Variants in SEZ6 observed in about 807,000 individuals in gnomAD.
The protein encoded by SEZ6 is seizure related 6 homolog, also known as seizure protein 6 homolog.
In SEZ6, 53 loss-of-function variants were observed where a neutral mutation model predicts 101.0. The ratio of observed to expected loss-of-function variants is 0.52; its 90% CI spans 0.42 to 0.66. The LOEUF is 0.66. SEZ6 is among the 30% of genes least tolerant of loss of function. The probability of loss-of-function intolerance (pLI) is 0.00; values close to 1 mark genes in which losing one functional copy is unlikely to be tolerated. For synonymous variants in SEZ6, 488 were observed against 512.2 expected (o/e 0.95, Z 0.64); for missense variants, 1,102 against 1,289.4 (o/e 0.85, Z 2.23).
chr17:28,978,283 A>G (rs1036864188), intron 3 of SEZ6, among the ~76,000 whole-genome samples: 4 of 152,264 alleles, frequency 2.6e-5, no homozygotes, highest in Non-Finnish European at 4.4e-5. Flanking sequence ...GTCAAATGTC[A>G]TCACATCCCT....
At chr17:28,980,486 C>T (rs572275805) in intron 2 of SEZ6, among the ~76,000 whole-genome samples, 5 of 151,900 alleles carry the variant, frequency 3.3e-5, no homozygotes, top group Non-Finnish European at 5.9e-5. Flanking sequence ...TCTCCTGCCT[C>T]AGCCTCCTGA....
Position 28,981,562 on chromosome 17 carries a change from C to T in SEZ6, c.533G>A (p.Ser178Asn), listed in dbSNP as rs1226747177. 2 of 1,612,188 alleles carry T rather than the reference C, an allele frequency of 1.2e-6. No homozygotes were observed. The highest frequency in any genetic ancestry group is 2.7e-5 in the African/African-American group (2 of 74,908). The change falls in exon 2 of 17, where the codon AGC becomes AAC. Residue 178 changes from serine (S) to asparagine (N), a missense_variant. This residue lies in a region of SEZ6 where 406 missense variants were observed against 418.6 expected (regional missense o/e 0.97). Transcript: ENST00000317338. ...CTCTTGGGTTGGTGTCCAGGCTCTGCTGGGGGGTGTAGTGCTGGCTATCTC... is the reference window on the plus strand; with the variant it reads ...CTCTTGGGTTGGTGTCCAGGCTCTGTTGGGGGGTGTAGTGCTGGCTATCTC... ...PGEIASTTPPSRAWTPTQEGP... is the reference protein window; with the variant it reads ...PGEIASTTPPNRAWTPTQEGP...
chr17:28,979,931 G>T, intron 2 of SEZ6, 118 bp from the exon 3 acceptor site: 1 of 1,140,352 alleles, frequency 8.8e-7, no homozygotes, highest in Non-Finnish European at 1.2e-6. Flanking sequence ...GTGTGGTGAA[G>T]ACCACCTCTT....
At chr17:28,981,098 G>T (rs1382610259) in intron 2 of SEZ6, among the ~76,000 whole-genome samples, 17 of 151,962 alleles carry the variant, frequency 1.1e-4, no homozygotes, top group Non-Finnish European at 1.5e-5. Context: ...GTTTCGCCAT[G>T]TTGGCCAGGA....
intron 1 of SEZ6, among the ~76,000 whole-genome samples, chr17:28,985,234 G>A (rs1394866073): frequency 6.6e-6 from 1 of 152,216 alleles, no homozygotes; most frequent in Non-Finnish European, 1.5e-5. Flanking sequence ...GGAGAGGCAC[G>A]GACTCGTCGA....
chr17:28,960,123 G>A (rs2040951975), intron 7 of SEZ6: 6 of 599,422 alleles, frequency 1.0e-5, no homozygotes, highest in Non-Finnish European at 1.8e-5. Context: ...GCCTGGTTTT[G>A]TGCTTAGTAC....
intron 11 of SEZ6, 137 bp downstream of exon 11, chr17:28,957,810 A>G (rs913793382): frequency 2.9e-6 from 3 of 1,037,318 alleles, no homozygotes; most frequent in Non-Finnish European, 4.2e-6. Context: ...CATTTCACAG[A>G]TGAGGAAACT....
At chr17:28,997,814 C>A (rs762358979) in intron 1 of SEZ6, among the ~76,000 whole-genome samples, 3 of 152,176 alleles carry the variant, frequency 2.0e-5, no homozygotes, top group African/African-American at 4.8e-5. Context: ...TGTGACACAA[C>A]TTGCCCAAGG....
intron 1 of SEZ6, among the ~76,000 whole-genome samples, chr17:28,997,272 T>G (rs554049975): frequency 6.6e-6 from 1 of 152,290 alleles, no homozygotes; most frequent in Non-Finnish European, 1.5e-5. Flanking sequence ...ATGCCCCCTT[T>G]GCCAGGGGCT....
rs764397096 is a variant in SEZ6 at position 28,981,596 on chromosome 17, C to A, written c.499G>T (p.Gly167Cys). ...GTAGTGCTGGCTATCTCCCCTGGGC[C>A]TAGGGTGGGCACTGCCATGCTGGGC... ...PGPSMAVPTL[G>C]PGEIASTTPP... The change falls in exon 2 of 17, where the codon GGC becomes TGC. Residue 167 changes from glycine to cysteine, a missense_variant. Gly to Cys is a radical substitution (Grantham distance 159, BLOSUM62 -3). Around this residue, in one of 3 missense-constraint regions of SEZ6, gnomAD observed 406 missense variants for 418.6 expected, o/e 0.97. Coordinates refer to ENST00000317338, the MANE Select transcript of SEZ6 (RefSeq NM_178860.5). 6.2e-7 allele frequency: 1 copy of A among 1,603,564 alleles called. No homozygotes were observed. Among genetic ancestry groups the A allele is most frequent in the South Asian group, 1.1e-5 (1 of 90,328 alleles).
At chr17:28,972,757 G>A (rs1383714258) in intron 3 of SEZ6, among the ~76,000 whole-genome samples, 1 of 152,208 alleles carries the variant, frequency 6.6e-6, no homozygotes, top group Non-Finnish European at 1.5e-5. Context: ...ATCGAGAGAT[G>A]CCAGGCAGCA....
At chr17:29,001,007 G>T (rs1466171392) in intron 1 of SEZ6, among the ~76,000 whole-genome samples, 1 of 152,108 alleles carries the variant, frequency 6.6e-6, no homozygotes, top group African/African-American at 2.4e-5. Context: ...CATTCAGAAT[G>T]GCCATCAGCA....
chr17:28,986,458 T>C (rs951363212), intron 1 of SEZ6, among the ~76,000 whole-genome samples: 1 of 152,186 alleles, frequency 6.6e-6, no homozygotes, highest in Non-Finnish European at 1.5e-5. Context: ...AGGGGAAGCC[T>C]TAAGGACTGG....
chr17:29,001,156 T>C (rs1476674647), intron 1 of SEZ6, among the ~76,000 whole-genome samples: 1 of 152,194 alleles, frequency 6.6e-6, no homozygotes, highest in Non-Finnish European at 1.5e-5. Flanking sequence ...ATACAATCTA[T>C]GTAAAAATAG....
chr17:28,982,732 G>A (rs1208823729), intron 1 of SEZ6, among the ~76,000 whole-genome samples: 1 of 152,062 alleles, frequency 6.6e-6, no homozygotes, highest in East Asian at 1.9e-4. Context: ...TGGCTCCACT[G>A]CAGCCTCAAC....
intron 1 of SEZ6, among the ~76,000 whole-genome samples, chr17:28,985,662 C>T (rs1353337902): frequency 6.6e-6 from 1 of 152,176 alleles, no homozygotes; most frequent in Non-Finnish European, 1.5e-5. Context: ...AGGCAGGCTT[C>T]TAGGGTAGGA....
At chr17:28,987,119 C>A (rs2041395883) in intron 1 of SEZ6, among the ~76,000 whole-genome samples, 1 of 152,214 alleles carries the variant, frequency 6.6e-6, no homozygotes, top group Admixed American at 6.5e-5. Flanking sequence ...CCTCTGGGTT[C>A]CAGAGGTTAA....
chr17:28,988,217 C>G (rs1311084756), intron 1 of SEZ6, among the ~76,000 whole-genome samples: 1 of 152,234 alleles, frequency 6.6e-6, no homozygotes, highest in Non-Finnish European at 1.5e-5. Context: ...CTTCACGGGT[C>G]AGTTCCTAGC....
intron 1 of SEZ6, among the ~76,000 whole-genome samples, chr17:29,004,782 G>C (rs1291375299): frequency 6.6e-6 from 1 of 151,404 alleles, no homozygotes; most frequent in Non-Finnish European, 1.5e-5. Context: ...GAAGGACGTG[G>C]GTGCCAGTAG....
Sources: allele counts gnomAD v4.1 joint callset (sites outside exome capture counted in the v4.1 genomes callset), GRCh38; gene constraint gnomAD v4.1.1; regional missense constraint gnomAD v4.1.1; transcripts MANE v1.5; gene names NCBI Gene and HGNC (gene_info 2026-07-23, HGNC 2026-07-21).